DAB1: variants seen among roughly 807,000 people sequenced by gnomAD.
DAB1 encodes the protein DAB adaptor protein 1, also known as disabled homolog 1.
Under a neutral mutation model 64.6 loss-of-function variants are expected in DAB1, and 15 were observed. The observed-to-expected ratio is 0.23, with a 90% CI of 0.16 to 0.36. DAB1 has a LOEUF of 0.36. Ranked by LOEUF, DAB1 falls within the 10% of genes least tolerant of loss-of-function variation. The pLI is 1.00. For synonymous variants in DAB1, 235 were observed against 251.9 expected (o/e 0.93, Z 0.64); for missense variants, 596 against 706.7 (o/e 0.84, Z 1.78).
chr1:57,867,945 C>A (rs1478471122), intron 1 of DAB1, among the ~76,000 whole-genome samples: 1 of 152,118 alleles, frequency 6.6e-6, no homozygotes, highest in Non-Finnish European at 1.5e-5. Context: ...TTGAGATAAC[C>A]ATGAAAAGTG....
rs141357353 is a variant in DAB1 at position 57,976,902 on chromosome 1, G to A, written n.388-92740C>T. On this transcript the variant is annotated intron_variant and non_coding_transcript_variant, in intron 5 of 20. Transcript: ENST00000485760. The stretch of plus-strand genomic sequence containing the variant: ...TCATTTCCTTCTCTCCATTACCACT[G>A]CCACTGTTTTAATCCAGATCCTTGC... Among the ~76,000 whole-genome samples, 1,256 of 152,162 alleles carry A rather than the reference G, an allele frequency of 8.3e-3. 6 individuals are homozygous for A. Among genetic ancestry groups the A allele is most frequent in the Non-Finnish European group, 0.012 (847 of 68,002 alleles).
At chr1:58,141,171 G>T (rs761433595) in intron 5 of DAB1, among the ~76,000 whole-genome samples, 3 of 152,044 alleles carry the variant, frequency 2.0e-5, no homozygotes, top group Non-Finnish European at 2.9e-5. Flanking sequence ...CTGCTCTCAC[G>T]CCGCTAATAA....
intron 4 of DAB1, among the ~76,000 whole-genome samples, chr1:58,275,759 G>A (rs1172439483): frequency 6.6e-6 from 1 of 152,194 alleles, no homozygotes; most frequent in Non-Finnish European, 1.5e-5. Flanking sequence ...TACAGAAATA[G>A]TATGGTGGTT....
At chr1:58,453,740 TG>T (rs1342932546) in intron 3 of DAB1, among the ~76,000 whole-genome samples, 1 of 152,186 alleles carries the variant, frequency 6.6e-6, no homozygotes, top group East Asian at 1.9e-4. Context: ...GATTCTTGGC[TG>T]TATGGAGGAA....
At chr1:57,353,048 G>A (rs1013199558) in intron 1 of DAB1, among the ~76,000 whole-genome samples, 2 of 151,622 alleles carry the variant, frequency 1.3e-5, no homozygotes, top group Non-Finnish European at 2.9e-5. Context: ...AATCATATGA[G>A]CCAATTCCTT....
chr1:58,214,590 A>G (rs909057149), intron 4 of DAB1, among the ~76,000 whole-genome samples: 1 of 152,208 alleles, frequency 6.6e-6, no homozygotes, highest in African/African-American at 2.4e-5. Context: ...AGCAACATAG[A>G]AATCCTGGGT....
intron 2 of DAB1, among the ~76,000 whole-genome samples, chr1:57,221,708 G>T (rs1666889321): frequency 6.6e-6 from 1 of 151,938 alleles, no homozygotes; most frequent in Admixed American, 6.6e-5. Context: ...TCCCTACTTT[G>T]GCCTTGAGAA....
At chr1:57,417,996 C>T (rs1684617129) in intron 1 of DAB1, among the ~76,000 whole-genome samples, 1 of 152,108 alleles carries the variant, frequency 6.6e-6, no homozygotes, top group Admixed American at 6.6e-5. Context: ...TTACCACCTC[C>T]AGAAGGTTCC....
intron 3 of DAB1, among the ~76,000 whole-genome samples, chr1:57,141,559 C>G (rs924683236): frequency 2.0e-5 from 3 of 152,130 alleles, no homozygotes; most frequent in African/African-American, 7.2e-5. Context: ...CATTTGCTAC[C>G]TTAAATTTAC....
rs75384498 is a variant in DAB1, at chr1:57,578,678, G to A, written n.625+70914C>T. Among the ~76,000 whole-genome samples, 1,094 of 152,328 alleles carry A rather than the reference G, an allele frequency of 7.2e-3. 13 individuals carry two copies. Among genetic ancestry groups the A allele is most frequent in the African/African-American group, 0.025 (1,045 of 41,584 alleles). ...AAGTAAATTCCTCGTGTTTGCCAAT[G>A]GGAGGATGCATTAGAGATATAGATA... On this transcript the variant is annotated intron_variant and non_coding_transcript_variant, in intron 7 of 20. Coordinates refer to the DAB1 transcript ENST00000485760.
intron 5 of DAB1, among the ~76,000 whole-genome samples, chr1:58,022,889 A>G (rs1213777406): frequency 6.6e-6 from 1 of 152,130 alleles, no homozygotes; most frequent in Non-Finnish European, 1.5e-5. Flanking sequence ...TGAATAGCCT[A>G]TGAGTTTGCT....
intron 1 of DAB1, among the ~76,000 whole-genome samples, chr1:57,405,794 C>T (rs1047172804): frequency 1.3e-5 from 2 of 152,142 alleles, no homozygotes; most frequent in Non-Finnish European, 2.9e-5. Flanking sequence ...TAAATTATAC[C>T]GTACCTGATA....
chr1:57,246,546 G>C (rs1303340901), intron 2 of DAB1, among the ~76,000 whole-genome samples: 1 of 152,206 alleles, frequency 6.6e-6, no homozygotes, highest in East Asian at 1.9e-4. Flanking sequence ...TAGTGCAGAG[G>C]GAAAAAGTGG....
At chr1:57,998,604 T>C (rs780284848) in intron 5 of DAB1, among the ~76,000 whole-genome samples, 5 of 152,246 alleles carry the variant, frequency 3.3e-5, no homozygotes, top group Admixed American at 6.5e-5. Flanking sequence ...CCTCAGGTGA[T>C]CCACCTGCCT....
chr1:57,595,239 A>C (rs890561352), intron 7 of DAB1, among the ~76,000 whole-genome samples: 1 of 151,802 alleles, frequency 6.6e-6, no homozygotes, highest in Non-Finnish European at 1.5e-5. Flanking sequence ...AATTTTTTTT[A>C]GATTCTAAAT....
At chr1:58,379,097 T>G (rs1031691045) in intron 3 of DAB1, among the ~76,000 whole-genome samples, 23 of 151,678 alleles carry the variant, frequency 1.5e-4, no homozygotes, top group Admixed American at 2.0e-4. Context: ...CCTAGTGAGA[T>G]GAACCCGGTA....
intron 2 of DAB1, among the ~76,000 whole-genome samples, chr1:57,180,601 AG>A (rs1238368481): frequency 2.0e-5 from 3 of 152,282 alleles, no homozygotes; most frequent in South Asian, 4.1e-4. Context: ...CTTTGTTCCT[AG>A]ATAACAATGA....
intron 6 of DAB1, among the ~76,000 whole-genome samples, chr1:57,714,645 G>A (rs1647064476): frequency 6.6e-6 from 1 of 152,216 alleles, no homozygotes; most frequent in Non-Finnish European, 1.5e-5. Flanking sequence ...GCACAATAGA[G>A]TTGAAGAGTT....
intron 3 of DAB1, among the ~76,000 whole-genome samples, chr1:58,382,273 T>C (rs1218092257): frequency 2.6e-5 from 4 of 152,126 alleles, no homozygotes; most frequent in African/African-American, 7.2e-5. Context: ...TCTCACTCCA[T>C]AGATTGGAGA....
Sources: allele counts gnomAD v4.1 joint callset (sites outside exome capture counted in the v4.1 genomes callset), GRCh38; gene constraint gnomAD v4.1.1; transcripts MANE v1.5; gene names NCBI Gene and HGNC (gene_info 2026-07-23, HGNC 2026-07-21).